Variants in FAF1 observed in about 807,000 individuals in gnomAD.
FAF1 encodes the protein Fas associated factor 1, also known as FAS-associated factor 1.
FAF1 carries 25 observed loss-of-function variants against 92.5 expected under a neutral mutation model. That is an observed-to-expected ratio of 0.27 (90% CI 0.20 to 0.38). The LOEUF is 0.38. Among genes scored for constraint, FAF1 ranks in the 10% least tolerant of loss-of-function variants. FAF1 has a pLI of 1.00. For synonymous variants in FAF1, 234 were observed against 273.2 expected (o/e 0.86, Z 1.42); for missense variants, 636 against 793.3 (o/e 0.80, Z 2.38).
chr1:50,684,729 A>G (rs1215865026), intron 7 of FAF1, among the ~76,000 whole-genome samples: 1 of 152,170 alleles, frequency 6.6e-6, no homozygotes, highest in Non-Finnish European at 1.5e-5. Flanking sequence ...TAATAACTTC[A>G]ATGGAATGTT....
chr1:50,811,161 C>A (rs1643905159), intron 2 of FAF1, among the ~76,000 whole-genome samples: 1 of 151,942 alleles, frequency 6.6e-6, no homozygotes, highest in Non-Finnish European at 1.5e-5. Flanking sequence ...ATGGCATAAC[C>A]CCGTCTCTAT....
Position 50,687,621 on chromosome 1 carries a change from T to C in FAF1, c.657+18165A>G, listed in dbSNP as rs190733745. ...AAAAATTAGCCAGGCATGGGGCGCG[T>C]GCCTGTAATCCCAGCTACTTGGGAG... On this transcript the variant is annotated intron_variant, in intron 7 of 18. Transcript: ENST00000396153. Among the ~76,000 whole-genome samples, 964 of 151,846 alleles carry C rather than the reference T, an allele frequency of 6.3e-3. 3 individuals carry two copies. The highest frequency in any genetic ancestry group is 0.017 in the Middle Eastern group (5 of 294).
At chr1:50,696,931 C>T (rs2124407217) in intron 7 of FAF1, among the ~76,000 whole-genome samples, 1 of 152,218 alleles carries the variant, frequency 6.6e-6, no homozygotes, top group Admixed American at 6.5e-5. Context: ...CTAAATCTTT[C>T]ATGTAGGATG....
At chr1:50,947,226 A>C (rs1570174120) in intron 1 of FAF1, among the ~76,000 whole-genome samples, 1 of 152,246 alleles carries the variant, frequency 6.6e-6, no homozygotes, top group East Asian at 1.9e-4. Context: ...GGCAAAAGAG[A>C]AGAAGCTTTC....
Position 50,728,684 on chromosome 1 carries a change from G to C in FAF1, c.551+10179C>G, listed in dbSNP as rs192996636. Among the ~76,000 whole-genome samples the C allele has an allele frequency of 5.1e-4, 78 of 151,830 alleles. No homozygotes were observed. The East Asian group carries it at 0.011, about 21-fold the overall frequency. On this transcript the variant is annotated intron_variant, in intron 6 of 18. Transcript: ENST00000396153. Reference sequence around the variant, plus strand: ...CACATACCTGTAATCCCAGCTACTCGGGAGGCTGAGGCAGGAAAATCGCTT... The same window carrying C: ...CACATACCTGTAATCCCAGCTACTCCGGAGGCTGAGGCAGGAAAATCGCTT...
chr1:50,820,481 A>ATG (rs369174099), intron 2 of FAF1, among the ~76,000 whole-genome samples: 7 of 152,074 alleles, frequency 4.6e-5, no homozygotes, highest in African/African-American at 7.2e-5. Context: ...TTTTGTGTGC[A>ATG]TGTGTGTGTG....
intron 1 of FAF1, among the ~76,000 whole-genome samples, chr1:50,886,417 T>C (rs1486696364): frequency 6.6e-6 from 1 of 152,196 alleles, no homozygotes; most frequent in Non-Finnish European, 1.5e-5. Flanking sequence ...CTAGGGTACA[T>C]ATGCACAATG....
chr1:50,490,216 C>T (rs1033247743), intron 17 of FAF1, among the ~76,000 whole-genome samples: 8 of 152,074 alleles, frequency 5.3e-5, no homozygotes, highest in Non-Finnish European at 7.4e-5. Context: ...AAAAATTAGC[C>T]AGGCATGGTG....
chr1:50,589,601 C>G (rs2124050519), intron 9 of FAF1, among the ~76,000 whole-genome samples: 1 of 152,260 alleles, frequency 6.6e-6, no homozygotes, highest in East Asian at 1.9e-4. Flanking sequence ...GTATGATTTG[C>G]AAATATTTTC....
chr1:50,932,211 G>A (rs1008035259), intron 1 of FAF1, among the ~76,000 whole-genome samples: 3 of 151,986 alleles, frequency 2.0e-5, no homozygotes, highest in Admixed American at 2.0e-4. Flanking sequence ...CTTCCCAATA[G>A]TCCCCCAAAG....
At chr1:50,554,384 TATATATAGAGAG>T (rs1466258357) in intron 13 of FAF1, among the ~76,000 whole-genome samples, 9 of 97,952 alleles carry the variant, frequency 9.2e-5, no homozygotes, top group Middle Eastern at 0.011. Flanking sequence ...TATATATATA[TATATATAGAGAG>T]AGAGAGAGAG....
intron 10 of FAF1, 30 bp downstream of exon 10, chr1:50,584,655 T>G: frequency 2.5e-6 from 4 of 1,603,258 alleles, no homozygotes; most frequent in Non-Finnish European, 3.4e-6. Flanking sequence ...AGAATTCTAT[T>G]GCTGGACCCA....
chr1:50,850,129 A>C (rs1307296641), intron 2 of FAF1, among the ~76,000 whole-genome samples: 3 of 146,682 alleles, frequency 2.0e-5, no homozygotes, highest in African/African-American at 7.6e-5. Flanking sequence ...GGAGCTACGA[A>C]AAAAAAAAAA....
At chr1:50,842,388 T>C (rs1489843602) in intron 2 of FAF1, among the ~76,000 whole-genome samples, 1 of 152,148 alleles carries the variant, frequency 6.6e-6, no homozygotes. Context: ...GAGAAAACCA[T>C]TTTGTAATCC....
chr1:50,909,731 C>A (rs1455728590), intron 1 of FAF1, among the ~76,000 whole-genome samples: 1 of 152,266 alleles, frequency 6.6e-6, no homozygotes, highest in South Asian at 2.1e-4. Context: ...TTCATCAGGT[C>A]ATTTAAGGTC....
At chr1:50,505,937 C>A (rs1390739528) in intron 15 of FAF1, among the ~76,000 whole-genome samples, 1 of 152,156 alleles carries the variant, frequency 6.6e-6, no homozygotes. Flanking sequence ...GAAAGAGTAA[C>A]TAATCTGTTC....
chr1:50,494,451 C>G (rs1256188874), intron 15 of FAF1, among the ~76,000 whole-genome samples: 1 of 152,188 alleles, frequency 6.6e-6, no homozygotes, highest in African/African-American at 2.4e-5. Flanking sequence ...GAAATTTTTA[C>G]ACATCGATTG....
chr1:50,845,161 T>G (rs1644287746), intron 2 of FAF1, among the ~76,000 whole-genome samples: 1 of 152,166 alleles, frequency 6.6e-6, no homozygotes. Flanking sequence ...CTCTCTCCTT[T>G]AAAGTAAGCA....
At position 50,865,800 on chromosome 1, in the gene FAF1, G is replaced by A. The variant is rs542389392; in HGVS notation, c.46-7803C>T. Among the ~76,000 whole-genome samples, 119 of 145,562 alleles carry A rather than the reference G, an allele frequency of 8.2e-4. 4 individuals carry two copies. The highest frequency in any genetic ancestry group is 5.9e-3 in the Admixed American group (86 of 14,464). ...ACATGTATACATATGTAACTAACCTGCACATTGTGCACATGTACCCTAAAA... is the reference window on the plus strand; with the variant it reads ...ACATGTATACATATGTAACTAACCTACACATTGTGCACATGTACCCTAAAA... On this transcript the variant is annotated intron_variant, in intron 1 of 18. Coordinates refer to ENST00000396153, the MANE Select transcript of FAF1 (RefSeq NM_007051.3).
Sources: gnomAD v4.1 joint callset for allele counts (sites outside exome capture counted in the v4.1 genomes callset) on GRCh38, gnomAD v4.1.1 for gene constraint, MANE v1.5 for transcripts, NCBI Gene and HGNC (gene_info 2026-07-23, HGNC 2026-07-21) for gene names.